The following STK4 variants were observed in gnomAD, a reference collection of about 807,000 sequenced individuals.
STK4 encodes the protein serine/threonine kinase 4, also known as serine/threonine-protein kinase 4.
Under a neutral mutation model 64.9 loss-of-function variants are expected in STK4, and 30 were observed. The ratio of observed to expected loss-of-function variants is 0.46; its 90% confidence interval spans 0.35 to 0.63. The LOEUF is 0.63. Among genes scored for constraint, STK4 ranks in the 20% least tolerant of loss-of-function variants. The probability of loss-of-function intolerance (pLI) is 0.01; values close to 1 mark genes in which losing one functional copy is unlikely to be tolerated. For synonymous variants in STK4, 177 were observed against 199.0 expected, an observed-to-expected ratio of 0.89 and a Z score of 0.93; for missense variants, 466 against 598.5, an observed-to-expected ratio of 0.78 and a Z score of 2.31.
At position 44,990,629 on chromosome 20, in the gene STK4, G is replaced by A. The variant is rs190551477; in HGVS notation, c.525+3333G>A. Reference sequence around the variant, plus strand: ...AAGTGGTGGTGGTGGTGGCAGTGGGGATTGTTAACATGTTAATGCTCATTT... The same window carrying A: ...AAGTGGTGGTGGTGGTGGCAGTGGGAATTGTTAACATGTTAATGCTCATTT... On this transcript the variant is annotated intron_variant, in intron 5 of 10. Coordinates refer to ENST00000372806, the MANE Select transcript of STK4 (RefSeq NM_006282.5). 3.4e-4 allele frequency among the ~76,000 whole-genome samples: 52 copies of A among 152,138 alleles called. 1 individual carries two copies. The highest frequency in any genetic ancestry group is 5.9e-4 in the Non-Finnish European group (40 of 68,000).
intron 10 of STK4, among the ~76,000 whole-genome samples, chr20:45,027,406 G>C (rs1363536315): frequency 6.8e-6 from 1 of 147,622 alleles, no homozygotes; most frequent in African/African-American, 2.5e-5. Context: ...CTCCAGCCTG[G>C]GCAACAAGAG....
intron 9 of STK4, among the ~76,000 whole-genome samples, chr20:45,004,974 T>A (rs2067911441): frequency 6.6e-6 from 1 of 151,852 alleles, no homozygotes; most frequent in Non-Finnish European, 1.5e-5. Context: ...GGTTTCACTA[T>A]GTTGGTCAGG....
At chr20:45,022,641 T>G (rs1485632699) in intron 9 of STK4, among the ~76,000 whole-genome samples, 1 of 152,210 alleles carries the variant, frequency 6.6e-6, no homozygotes, top group African/African-American at 2.4e-5. Flanking sequence ...CATCCTTGGT[T>G]TAAAGATTCA....
In STK4 at chr20:44,993,253, T is replaced by TAA. The variant is rs1555809389; in HGVS notation, c.526-1836_526-1835insAA. On this transcript the variant is annotated intron_variant, in intron 5 of 10. Coordinates refer to ENST00000372806, the MANE Select transcript of STK4 (RefSeq NM_006282.5). ...TATATACATATATATGATATATATGTACACACACACATACATATACACATA... is the reference window on the plus strand; with the variant it reads ...TATATACATATATATGATATATATGTAAACACACACACATACATATACACATA... Among the ~76,000 whole-genome samples, 5 of 151,174 alleles carry TAA rather than the reference T, an allele frequency of 3.3e-5. No homozygotes were observed. The East Asian group carries it at 9.7e-4, about 29-fold the overall frequency.
intron 5 of STK4, among the ~76,000 whole-genome samples, chr20:44,994,079 A>G (rs1445283208): frequency 6.6e-6 from 1 of 151,828 alleles, no homozygotes; most frequent in East Asian, 1.9e-4. Context: ...GCAAGTGGTT[A>G]TTTGCTGTAA....
At chr20:45,062,899 C>T (rs1979188609) in intron 10 of STK4, among the ~76,000 whole-genome samples, 1 of 144,652 alleles carries the variant, frequency 6.9e-6, no homozygotes, top group Non-Finnish European at 1.5e-5. Flanking sequence ...ACCATGTTAG[C>T]CAGAACGGTC....
At chr20:45,005,441 C>T (rs976091046) in intron 9 of STK4, among the ~76,000 whole-genome samples, 4 of 151,726 alleles carry the variant, frequency 2.6e-5, no homozygotes, top group Admixed American at 1.3e-4. Context: ...GTCAGGAGAT[C>T]GAGACCATCC....
chr20:45,043,476 C>T (rs1488176291), intron 10 of STK4, among the ~76,000 whole-genome samples: 1 of 152,134 alleles, frequency 6.6e-6, no homozygotes, highest in Admixed American at 6.5e-5. Context: ...GGCCACTTAC[C>T]TCTCCTCTCT....
At chr20:45,030,581 T>C (rs2145397384) in intron 10 of STK4, among the ~76,000 whole-genome samples, 1 of 152,316 alleles carries the variant, frequency 6.6e-6, no homozygotes, top group East Asian at 1.9e-4. Flanking sequence ...CTGACAAAAC[T>C]TCATATTTTC....
At chr20:45,035,400 T>C (rs548930123) in intron 10 of STK4, among the ~76,000 whole-genome samples, 1 of 152,214 alleles carries the variant, frequency 6.6e-6, no homozygotes, top group Non-Finnish European at 1.5e-5. Context: ...GTTATATATA[T>C]ACAGATTAAG....
intron 9 of STK4, among the ~76,000 whole-genome samples, chr20:45,006,524 A>C (rs1371925815): frequency 1.3e-5 from 2 of 151,304 alleles, no homozygotes; most frequent in African/African-American, 4.9e-5. Context: ...TGTGTTTGTT[A>C]TCTCTCATAT....
intron 10 of STK4, among the ~76,000 whole-genome samples, chr20:45,057,858 A>T (rs1433165884): frequency 6.6e-6 from 1 of 152,212 alleles, no homozygotes; most frequent in African/African-American, 2.4e-5. Context: ...AAGTATTACC[A>T]TGGCATAAAT....
At position 45,039,965 on chromosome 20, in the gene STK4, G is replaced by T. The variant is rs1003331756; in HGVS notation, c.1305+14835G>T. On this transcript the variant is annotated intron_variant, in intron 10 of 10. Transcript: ENST00000372806. The stretch of plus-strand genomic sequence containing the variant: ...TTTGGTCTTATAGAGTCCCCTAAGA[G>T]TGTGTCAGGGATCTTCCAGGGATCT... Among the ~76,000 whole-genome samples the T allele has an allele frequency of 9.2e-5, 14 of 151,908 alleles. No homozygotes were observed. The East Asian group carries it at 2.7e-3, about 29-fold the overall frequency.
chr20:45,034,383 C>T (rs2068493666), intron 10 of STK4, among the ~76,000 whole-genome samples: 2 of 152,116 alleles, frequency 1.3e-5, no homozygotes, highest in Admixed American at 1.3e-4. Context: ...TTACTAGAAA[C>T]AGAATATGGC....
chr20:45,058,053 TCACACACACACACACACACACA>T (rs3044396), intron 10 of STK4, among the ~76,000 whole-genome samples: 2 of 148,032 alleles, frequency 1.4e-5, no homozygotes, highest in South Asian at 4.3e-4. Context: ...AGTTTGAAGG[TCACACACACACACACACACACA>T]CACACACACA....
chr20:45,011,901 C>A (rs1260434347), intron 9 of STK4, among the ~76,000 whole-genome samples: 1 of 151,374 alleles, frequency 6.6e-6, no homozygotes, highest in Admixed American at 6.6e-5. Flanking sequence ...CTTGCTTCCT[C>A]CCTCTATCCA....
intron 9 of STK4, among the ~76,000 whole-genome samples, chr20:45,011,729 A>ATATATATATATATATATATATT (rs60170856): frequency 1.1e-4 from 13 of 115,388 alleles, no homozygotes; most frequent in African/African-American, 4.0e-4. Context: ...ATATATATAT[A>ATATATATATATATATATATATT]TTTTTTTTTT....
At chr20:45,007,962 C>G (rs547705057) in intron 9 of STK4, among the ~76,000 whole-genome samples, 5 of 152,256 alleles carry the variant, frequency 3.3e-5, no homozygotes, top group African/African-American at 1.2e-4. Context: ...GTGTTTAGCT[C>G]CCACTAAGTG....
intron 7 of STK4, among the ~76,000 whole-genome samples, chr20:44,997,691 T>C (rs972655450): frequency 6.6e-6 from 1 of 152,236 alleles, no homozygotes; most frequent in African/African-American, 2.4e-5. Context: ...AGTGAGACGC[T>C]ATCTCGAAAA....
Sources: gnomAD v4.1 joint callset for allele counts (sites outside exome capture counted in the v4.1 genomes callset) on GRCh38, gnomAD v4.1.1 for gene constraint, MANE v1.5 for transcripts, NCBI Gene and HGNC (gene_info 2026-07-23, HGNC 2026-07-21) for gene names.